The following PTDSS2 variants were observed in gnomAD, a reference collection of about 807,000 sequenced individuals.
The protein encoded by PTDSS2 is phosphatidylserine synthase 2, also known as PSS-2.
Under a neutral mutation model 64.7 loss-of-function variants are expected in PTDSS2, and 41 were observed. The ratio of observed to expected loss-of-function variants is 0.63; its 90% CI spans 0.49 to 0.82. The LOEUF (loss-of-function observed/expected upper bound fraction) is 0.82. Ranked by LOEUF, PTDSS2 falls within the 40% of genes least tolerant of loss-of-function variation. The probability of loss-of-function intolerance (pLI) is 0.00; values close to 1 mark genes in which losing one functional copy is unlikely to be tolerated. For synonymous variants in PTDSS2, 297 were observed against 277.8 expected (o/e 1.07, Z -0.69); for missense variants, 485 against 650.0 (o/e 0.75, Z 2.76).
rs893267437 is a variant in PTDSS2 at position 490,486 on chromosome 11, C to T, written c.1368C>T (p.Ser456=). ...QKWQNKDDQG[S]TVGNGDQHPL... is the part of the protein sequence containing the mutation. The stretch of plus-strand genomic sequence containing the variant: ...GGCAGAACAAGGATGACCAGGGCAG[C>T]ACCGTCGGCAACGGGGACCAGCACC... Residue 456 remains serine, a synonymous_variant, in exon 12 of 12, where the codon AGC becomes AGT. Transcript: ENST00000308020. 3 of 1,613,198 alleles carry T rather than the reference C, an allele frequency of 1.9e-6. No individual in the cohort carries two copies. The highest frequency in any genetic ancestry group is 2.5e-6 in the Non-Finnish European group (3 of 1,179,958).
intron 6 of PTDSS2, 118 bp downstream of exon 6, chr11:487,588 C>A: frequency 2.1e-6 from 2 of 936,018 alleles, no homozygotes; most frequent in South Asian, 1.3e-5. Context: ...GGGAGGGTGT[C>A]GCACTGCAGC....
At chr11:456,234 G>A (rs77361515) in intron 1 of PTDSS2, among the ~76,000 whole-genome samples, 6,951 of 138,596 alleles carry the variant, frequency 0.05, 198 homozygotes, top group South Asian at 0.1. Flanking sequence ...GTGCAGGGAT[G>A]TGATCTCAGC....
At chr11:451,186 GCT>G (rs1846307919) in intron 1 of PTDSS2, among the ~76,000 whole-genome samples, 1 of 152,224 alleles carries the variant, frequency 6.6e-6, no homozygotes, top group South Asian at 2.1e-4. Context: ...TCGAATCCAG[GCT>G]CTGTTTCTCT....
chr11:488,711 C>A, intron 8 of PTDSS2, 64 bp downstream of exon 8: 3 of 1,218,874 alleles, frequency 2.5e-6, no homozygotes, highest in Admixed American at 3.4e-5. Context: ...CCTCAGCGTC[C>A]GTGCTCCAGC....
Position 450,485 on chromosome 11 carries a change from A to C in PTDSS2, c.30A>C (p.Gly10=). 1 of 1,234,682 alleles carries C rather than the reference A, an allele frequency of 8.1e-7. No individual in the cohort carries two copies. The highest frequency in any genetic ancestry group is 1.0e-6 in the Non-Finnish European group (1 of 984,040). 76.5% of individuals were successfully genotyped at this position (1,234,682 alleles called of 1,614,324 possible). A position where few individuals can be genotyped will look rare whatever the true frequency, so the allele number is the denominator to read the frequency against. MRRGERRDA[G]GPRPESPVPA... is the part of the protein sequence containing the mutation. Reference sequence around the variant, plus strand: ...GGAGGGGCGAGCGCAGGGACGCCGGAGGTCCGCGGCCCGAGTCCCCGGTGC... The same window carrying C: ...GGAGGGGCGAGCGCAGGGACGCCGGCGGTCCGCGGCCCGAGTCCCCGGTGC... The change falls in exon 1 of 12, where the codon GGA becomes GGC. Residue 10 remains glycine, a synonymous_variant. Transcript: ENST00000308020.
intron 1 of PTDSS2, among the ~76,000 whole-genome samples, chr11:456,139 T>C (rs1285519957): frequency 6.6e-6 from 1 of 151,890 alleles, no homozygotes; most frequent in Non-Finnish European, 1.5e-5. Flanking sequence ...CTTGTTGTTT[T>C]GGTTTTTCTT....
At chr11:456,227 CA>C (rs1170555482) in intron 1 of PTDSS2, among the ~76,000 whole-genome samples, 17 of 137,704 alleles carry the variant, frequency 1.2e-4, no homozygotes, top group Non-Finnish European at 1.5e-5. Context: ...GGCTGGAGTG[CA>C]GGGATGTGAT....
At chr11:449,960 C>A (rs1256716029), upstream of PTDSS2, among the ~76,000 whole-genome samples, 2 of 152,136 alleles carry the variant, frequency 1.3e-5, no homozygotes, top group East Asian at 1.9e-4. Context: ...AAAGGAATGA[C>A]CCGGGTCGCA....
At chr11:466,758 A>G (rs1047060704) in intron 2 of PTDSS2, among the ~76,000 whole-genome samples, 1 of 152,076 alleles carries the variant, frequency 6.6e-6, no homozygotes, top group African/African-American at 2.4e-5. Context: ...CCCTCACTAC[A>G]TGAGAACAGC....
At chr11:451,989 C>G (rs1007774857) in intron 1 of PTDSS2, among the ~76,000 whole-genome samples, 2 of 152,188 alleles carry the variant, frequency 1.3e-5, no homozygotes, top group African/African-American at 4.8e-5. Flanking sequence ...CATCAGGCCT[C>G]TCCATCAGGT....
chr11:490,361 T>C (rs1336444083), intron 11 of PTDSS2, 59 bp from the exon 12 acceptor site: 2 of 1,607,128 alleles, frequency 1.2e-6, no homozygotes, highest in Non-Finnish European at 1.7e-6. Context: ...CAGCTGTCCA[T>C]GGGGCCTGCA....
At chr11:467,845 C>T (rs1847210233) in intron 2 of PTDSS2, among the ~76,000 whole-genome samples, 1 of 151,940 alleles carries the variant, frequency 6.6e-6, no homozygotes, top group South Asian at 2.1e-4. Context: ...CACATAAAAA[C>T]CTGCATGCAG....
chr11:490,519 G>A lies in PTDSS2; in HGVS notation c.1401G>A (p.Gly467=). 2 of 1,612,856 alleles carry A rather than the reference G, an allele frequency of 1.2e-6. No homozygotes were observed. Among genetic ancestry groups the A allele is most frequent in the Non-Finnish European group, 1.7e-6 (2 of 1,179,784 alleles). Residue 467 remains glycine (G), a synonymous_variant, in exon 12 of 12, where the codon GGG becomes GGA. Coordinates refer to ENST00000308020, the MANE Select transcript of PTDSS2 (RefSeq NM_030783.3). ...TVGNGDQHPL[G]LDEDLLGPGV... ...GCAACGGGGACCAGCACCCACTGGG[G>A]CTGGACGAAGACCTGCTGGGGCCTG...
intron 5 of PTDSS2, 124 bp from the exon 6 acceptor site, chr11:487,296 C>G: frequency 9.5e-7 from 1 of 1,049,104 alleles, no homozygotes; most frequent in Non-Finnish European, 1.5e-6. Flanking sequence ...ACGGCAGCAC[C>G]TGTGAGTCCC....
rs1006232317 is a variant in PTDSS2 at position 490,726 on chromosome 11, G to A, written c.*144G>A. On this transcript the variant is annotated 3_prime_UTR_variant, in exon 12 of 12. Transcript: ENST00000308020. ...CTGTGCACCTGGCGAGGCTGAAGGC[G>A]AGGGGTGGAGGAGGCCCCAGCACAG... 1.5e-5 allele frequency: 12 copies of A among 801,564 alleles called. No individual in the cohort carries two copies. The highest frequency in any genetic ancestry group is 5.2e-5 in the African/African-American group (3 of 57,640). 49.7% of individuals were successfully genotyped at this position (801,564 alleles called of 1,614,324 possible). A position where few individuals can be genotyped will look rare whatever the true frequency, so the allele number is the denominator to read the frequency against.
chr11:482,491 T>C (rs914910772), intron 4 of PTDSS2, among the ~76,000 whole-genome samples: 2 of 152,128 alleles, frequency 1.3e-5, no homozygotes, highest in South Asian at 4.1e-4. Flanking sequence ...TTTTTTAACT[T>C]TCTGTGGAGA....
intron 2 of PTDSS2, among the ~76,000 whole-genome samples, chr11:473,356 G>T (rs938950932): frequency 6.6e-6 from 1 of 152,196 alleles, no homozygotes; most frequent in African/African-American, 2.4e-5. Context: ...ACACTTCCTG[G>T]GGGTCCTGCC....
At position 462,769 on chromosome 11, in the gene PTDSS2, ACACACAGGGTGTCCC is replaced by A. The variant is rs1412827698; in HGVS notation, c.284+2496_284+2510del. On this transcript the variant is annotated intron_variant, in intron 2 of 11. Transcript: ENST00000308020. The surrounding 1 kb of genome is among the most constrained non-coding windows in gnomAD (Gnocchi z 4.5). ...GAGGGTGTCCGCACACAGGGTGCCC[ACACACAGGGTGTCCC>A]CACACAGGGTGTCCAGAAGGCTGTG... 9.9e-5 allele frequency among the ~76,000 whole-genome samples: 15 copies of A among 152,190 alleles called. No individual in the cohort carries two copies. Among genetic ancestry groups the A allele is most frequent in the Admixed American group, 6.6e-4 (10 of 15,246 alleles).
Position 489,591 on chromosome 11 carries a change from C to T in PTDSS2, c.973C>T (p.Leu325=). 1 of 1,602,136 alleles carries T rather than the reference C, an allele frequency of 6.2e-7. No individual in the cohort carries two copies. The highest frequency in any genetic ancestry group is 8.5e-7 in the Non-Finnish European group (1 of 1,174,352). Residue 325 remains leucine (L), a synonymous_variant, in exon 10 of 12, where the codon CTG becomes TTG. Transcript: ENST00000308020. Reference sequence around the variant, plus strand: ...TGCTCACCCTCTCCTCCCCTAGTTCCTGTTGGCAGAACTGAACACGTTCTA... The same window carrying T: ...TGCTCACCCTCTCCTCCCCTAGTTCTTGTTGGCAGAACTGAACACGTTCTA... ...LAVCGIILVF[L]LAELNTFYLK...
Sources: allele counts gnomAD v4.1 joint callset (sites outside exome capture counted in the v4.1 genomes callset), GRCh38; gene constraint gnomAD v4.1.1; non-coding constraint Gnocchi (gnomAD v3.1); transcripts MANE v1.5; gene names NCBI Gene and HGNC (gene_info 2026-07-23, HGNC 2026-07-21).